The following ZCWPW2 variants were observed in gnomAD, a reference collection of about 807,000 sequenced individuals.
The protein encoded by ZCWPW2 is zinc finger CW-type and PWWP domain containing 2.
In ZCWPW2, 45 loss-of-function variants were observed where a neutral mutation model predicts 46.6. The observed-to-expected ratio is 0.96, with a 90% confidence interval of 0.76 to 1.24. The LOEUF (loss-of-function observed/expected upper bound fraction) is 1.24, where lower values mean the gene tolerates loss of function less well. ZCWPW2 is among the 50% of genes most tolerant of loss of function. The pLI is 0.00. For missense variants in ZCWPW2, 429 were observed against 403.9 expected (o/e 1.06, Z -0.53); for synonymous variants, 152 against 137.1 (o/e 1.11, Z -0.76).
Position 28,368,136 on chromosome 3 carries a change from T to C in ZCWPW2, c.-134+18933T>C, listed in dbSNP as rs112144769. On this transcript the variant is annotated intron_variant, in intron 1 of 9. Coordinates refer to ENST00000383768, the MANE Select transcript of ZCWPW2 (RefSeq NM_001040432.4). ...TGTGTCTTTTAACTGGAGCATTTAG[T>C]CCATTTACATTTAAGGTTAATATTG... Among the ~76,000 whole-genome samples, 386 of 152,260 alleles carry C rather than the reference T, an allele frequency of 2.5e-3. 1 individual carries two copies. Among genetic ancestry groups the C allele is most frequent in the African/African-American group, 8.4e-3 (350 of 41,548 alleles).
intron 5 of ZCWPW2, among the ~76,000 whole-genome samples, chr3:28,487,609 GT>G (rs1245219747): frequency 5.5e-4 from 83 of 152,124 alleles, no homozygotes; most frequent in Non-Finnish European, 7.8e-4. Flanking sequence ...TCTTGATCTG[GT>G]CCTGCTGCTT....
chr3:28,366,880 A>G (rs1330485044), intron 1 of ZCWPW2, among the ~76,000 whole-genome samples: 1 of 152,154 alleles, frequency 6.6e-6, no homozygotes, highest in Non-Finnish European at 1.5e-5. Flanking sequence ...GGGAGGGTGT[A>G]TGTGTCCAGG....
chr3:28,484,747 T>A (rs1215494740), intron 5 of ZCWPW2, among the ~76,000 whole-genome samples: 2 of 149,892 alleles, frequency 1.3e-5, no homozygotes, highest in Non-Finnish European at 3.0e-5. Context: ...CCTTCCTGCC[T>A]GCCTTCCTGC....
At chr3:28,515,433 G>T in intron 7 of ZCWPW2, 121 bp from the exon 8 acceptor site, 1 of 759,904 alleles carries the variant, frequency 1.3e-6, no homozygotes, top group Non-Finnish European at 2.1e-6. Flanking sequence ...ACAACCAAGA[G>T]AATTACCTTT....
At chr3:28,492,465 C>A (rs1246383750) in intron 6 of ZCWPW2, among the ~76,000 whole-genome samples, 1 of 151,924 alleles carries the variant, frequency 6.6e-6, no homozygotes, top group Non-Finnish European at 1.5e-5. Flanking sequence ...TACTCATATA[C>A]TAAAATATTT....
At chr3:28,381,862 TG>T (rs1297004441) in intron 1 of ZCWPW2, among the ~76,000 whole-genome samples, 3 of 152,042 alleles carry the variant, frequency 2.0e-5, no homozygotes, top group African/African-American at 7.2e-5. Context: ...ACAGATTGGC[TG>T]GCTTAAAGAA....
chr3:28,373,176 A>G (rs1705393781), intron 1 of ZCWPW2, among the ~76,000 whole-genome samples: 1 of 152,200 alleles, frequency 6.6e-6, no homozygotes, highest in South Asian at 2.1e-4. Flanking sequence ...ATATGTATCC[A>G]GTAGTGGGAT....
intron 1 of ZCWPW2, among the ~76,000 whole-genome samples, chr3:28,376,792 T>C (rs1705513433): frequency 6.6e-6 from 1 of 152,166 alleles, no homozygotes; most frequent in African/African-American, 2.4e-5. Flanking sequence ...AATCTTTTGT[T>C]CACTGATAAC....
chr3:28,364,571 A>G (rs1705057908), intron 1 of ZCWPW2, among the ~76,000 whole-genome samples: 1 of 152,130 alleles, frequency 6.6e-6, no homozygotes. Context: ...ATTCCCACCA[A>G]CAGTGTAAAA....
intron 2 of ZCWPW2, among the ~76,000 whole-genome samples, chr3:28,407,435 A>T (rs1000050273): frequency 6.6e-6 from 1 of 152,252 alleles, no homozygotes; most frequent in East Asian, 1.9e-4. Context: ...GTTTGAATTG[A>T]TGTTTAAAGT....
chr3:28,436,550 A>C (rs1697508843), intron 4 of ZCWPW2, among the ~76,000 whole-genome samples: 1 of 152,002 alleles, frequency 6.6e-6, no homozygotes, highest in South Asian at 2.1e-4. Flanking sequence ...AATCTGTGAA[A>C]ATTAGGGGTA....
intron 4 of ZCWPW2, chr3:28,478,266 CAG>C (rs925671280): frequency 2.1e-5 from 6 of 279,994 alleles, no homozygotes; most frequent in African/African-American, 1.4e-4. Flanking sequence ...TTTTTTGAGA[CAG>C]AGTCTTACTC....
intron 1 of ZCWPW2, among the ~76,000 whole-genome samples, chr3:28,355,682 C>G (rs1704706104): frequency 6.6e-6 from 1 of 152,206 alleles, no homozygotes; most frequent in Admixed American, 6.5e-5. Flanking sequence ...ACAGAGCCTT[C>G]AGAAATAATA....
chr3:28,464,587 A>G (rs574790823), intron 4 of ZCWPW2, among the ~76,000 whole-genome samples: 1 of 152,288 alleles, frequency 6.6e-6, no homozygotes, highest in African/African-American at 2.4e-5. Flanking sequence ...ACAAATAAAT[A>G]TATTTTCTGC....
intron 6 of ZCWPW2, chr3:28,511,146 G>T: frequency 2.3e-6 from 1 of 437,006 alleles, no homozygotes. Context: ...ATGACAATCT[G>T]GAAGATGAAT....
At chr3:28,353,443 G>A (rs1348242888) in intron 1 of ZCWPW2, among the ~76,000 whole-genome samples, 3 of 152,244 alleles carry the variant, frequency 2.0e-5, no homozygotes, top group African/African-American at 7.2e-5. Context: ...AAGGAAAAGA[G>A]GCATGATATC....
chr3:28,438,989 G>C (rs1697608792), intron 4 of ZCWPW2, among the ~76,000 whole-genome samples: 1 of 150,598 alleles, frequency 6.6e-6, no homozygotes, highest in Non-Finnish European at 1.5e-5. Flanking sequence ...CAGTGTATTA[G>C]TCAGGGTTCT....
intron 6 of ZCWPW2, among the ~76,000 whole-genome samples, chr3:28,499,547 T>C (rs528852372): frequency 9.2e-5 from 14 of 152,302 alleles, no homozygotes; most frequent in African/African-American, 3.1e-4. Flanking sequence ...TTCTGGATAT[T>C]AGCCCTTTGT....
chr3:28,435,145 G>A lies in ZCWPW2; in HGVS notation c.368G>A (p.Gly123Glu). Reference sequence around the variant, plus strand: ...ATACTTTGCCCTGACCGTTTTAAAGGGAAATATGTAACTTATGACCCGGAT... The same window carrying A: ...ATACTTTGCCCTGACCGTTTTAAAGAGAAATATGTAACTTATGACCCGGAT... ...PGILCPDRFKGKYVTYDPDGN... is the reference protein window; with the variant it reads ...PGILCPDRFKEKYVTYDPDGN... Residue 123 changes from glycine (G) to glutamate (E), a missense_variant, in exon 4 of 10, where the codon GGG (glycine) becomes GAG (glutamate). Physicochemically the swap from Gly to Glu is moderately conservative, Grantham distance 98. Transcript: ENST00000383768. The A allele has an allele frequency of 6.2e-7, 1 of 1,612,370 alleles. No individual in the cohort carries two copies. Among genetic ancestry groups the A allele is most frequent in the Admixed American group, 1.7e-5 (1 of 59,488 alleles).
Sources: gnomAD v4.1 joint callset for allele counts (sites outside exome capture counted in the v4.1 genomes callset) on GRCh38, gnomAD v4.1.1 for gene constraint, MANE v1.5 for transcripts, NCBI Gene and HGNC (gene_info 2026-07-23, HGNC 2026-07-21) for gene names.